XIRP2: variants seen among roughly 807,000 people sequenced by gnomAD.
XIRP2 encodes xin actin-binding repeat-containing protein 2.
In XIRP2, 236 loss-of-function variants were observed where a neutral mutation model predicts 277.0. The observed-to-expected ratio is 0.85, with a 90% confidence interval of 0.77 to 0.95. The LOEUF (loss-of-function observed/expected upper bound fraction) is 0.95. Ranked by LOEUF, XIRP2 falls within the 40% of genes least tolerant of loss-of-function variation. The pLI, the probability that XIRP2 is intolerant of heterozygous loss-of-function variation, is 0.00. For synonymous variants in XIRP2, 1,490 were observed against 1,416.5 expected (o/e 1.05, Z -1.17); for missense variants, 4,640 against 4,157.5 (o/e 1.12, Z -3.19).
chr2:167,050,032 AT>A, intron 2 of XIRP2, among the ~76,000 whole-genome samples: 1 of 152,166 alleles, frequency 6.6e-6, no homozygotes, highest in Middle Eastern at 3.4e-3. Flanking sequence ...ATACATTATG[AT>A]TATATGGAAA....
At chr2:167,090,048 T>G (rs967193072) in intron 2 of XIRP2, among the ~76,000 whole-genome samples, 2 of 152,148 alleles carry the variant, frequency 1.3e-5, no homozygotes, top group Non-Finnish European at 2.9e-5. Context: ...ATAAATCAGA[T>G]CAAATGCCAA....
chr2:167,052,407 A>G (rs1221421676), intron 2 of XIRP2, among the ~76,000 whole-genome samples: 1 of 152,134 alleles, frequency 6.6e-6, no homozygotes, highest in Non-Finnish European at 1.5e-5. Context: ...CCCTGATAGC[A>G]TAGTAGACAT....
At chr2:167,236,345 A>G (rs1262167604) in intron 5 of XIRP2, among the ~76,000 whole-genome samples, 1 of 152,038 alleles carries the variant, frequency 6.6e-6, no homozygotes, top group Non-Finnish European at 1.5e-5. Context: ...CTATAATGAT[A>G]TAAGAATGAA....
chr2:167,192,599 G>A (rs192775073), intron 3 of XIRP2, among the ~76,000 whole-genome samples: 13 of 152,202 alleles, frequency 8.5e-5, no homozygotes, highest in Non-Finnish European at 1.8e-4. Context: ...GTATATTCTT[G>A]GAAAAGGACA....
chr2:167,240,599 A>G, intron 6 of XIRP2, 65 bp from the exon 7 acceptor site: 1 of 1,344,298 alleles, frequency 7.4e-7, no homozygotes. Flanking sequence ...GAAGAGTATT[A>G]TTTGTAGTAC....
intron 3 of XIRP2, among the ~76,000 whole-genome samples, chr2:167,170,894 C>CTTTTT (rs773187641): frequency 2.5e-4 from 23 of 92,690 alleles, no homozygotes; most frequent in Admixed American, 3.9e-4. Context: ...TGCCTTTCTT[C>CTTTTT]TTTTTTTTTT....
intron 3 of XIRP2, among the ~76,000 whole-genome samples, chr2:167,146,395 G>A (rs191864801): frequency 8.5e-4 from 129 of 152,026 alleles, no homozygotes; most frequent in Admixed American, 7.1e-3. Flanking sequence ...CAGCTACTTG[G>A]AATGCTGAGG....
At chr2:167,239,389 A>G (rs1027767025) in intron 5 of XIRP2, among the ~76,000 whole-genome samples, 7 of 152,196 alleles carry the variant, frequency 4.6e-5, no homozygotes, top group African/African-American at 1.7e-4. Context: ...TGCTAATTAG[A>G]TGATTTTATG....
At chr2:166,943,370 T>C (rs912223589) in intron 2 of XIRP2, among the ~76,000 whole-genome samples, 2 of 152,214 alleles carry the variant, frequency 1.3e-5, no homozygotes, top group African/African-American at 4.8e-5. Context: ...ATGAAATGGC[T>C]CTGCTCTCTC....
chr2:167,089,787 G>A (rs945962205), intron 2 of XIRP2, among the ~76,000 whole-genome samples: 13 of 152,048 alleles, frequency 8.5e-5, no homozygotes, highest in Admixed American at 2.0e-4. Context: ...TTAAGATAAA[G>A]TTCTATCGAA....
In XIRP2 at chr2:167,248,156, T is replaced by G; in HGVS notation, c.6764T>G (p.Met2255Arg). ...CACTTGAAAAGCCAGGACTTTCTAATGAAAACAAATACTTCCACAGGCTTA... is the reference window on the plus strand; with the variant it reads ...CACTTGAAAAGCCAGGACTTTCTAAGGAAAACAAATACTTCCACAGGCTTA... ...DVHLKSQDFL[M>R]KTNTSTGLKM... is the part of the protein sequence containing the mutation. Residue 2255 changes from methionine (M) to arginine (R), a missense_variant, in exon 9 of 11, where the codon ATG (methionine) becomes AGG (arginine). By Grantham distance (91) the Met-to-Arg change is moderately conservative (BLOSUM62 -1). Transcript: ENST00000409195. 1 of 1,613,698 alleles carries G rather than the reference T, an allele frequency of 6.2e-7. No homozygotes were observed. The highest frequency in any genetic ancestry group is 1.1e-5 in the South Asian group (1 of 91,046).
intron 2 of XIRP2, among the ~76,000 whole-genome samples, chr2:167,038,860 A>C (rs568831292): frequency 1.5e-4 from 23 of 152,104 alleles, no homozygotes; most frequent in Non-Finnish European, 2.9e-4. Flanking sequence ...TTGTAGACAC[A>C]GAATAAGTTC....
intron 3 of XIRP2, among the ~76,000 whole-genome samples, chr2:167,159,565 G>A (rs1323467331): frequency 6.6e-6 from 1 of 151,958 alleles, no homozygotes; most frequent in Non-Finnish European, 1.5e-5. Flanking sequence ...TCTGGTCATT[G>A]AAAGCACTGA....
intron 3 of XIRP2, among the ~76,000 whole-genome samples, chr2:167,209,319 A>C (rs1693953834): frequency 6.6e-6 from 1 of 152,164 alleles, no homozygotes; most frequent in South Asian, 2.1e-4. Flanking sequence ...AGGCCACAGA[A>C]ATTGTTCTCA....
chr2:167,052,806 C>G (rs1034498441), intron 2 of XIRP2, among the ~76,000 whole-genome samples: 1 of 152,136 alleles, frequency 6.6e-6, no homozygotes, highest in African/African-American at 2.4e-5. Flanking sequence ...TGTTTCTAGT[C>G]TGACACCTAG....
At chr2:166,923,484 A>T (rs957678891) in intron 2 of XIRP2, among the ~76,000 whole-genome samples, 3 of 152,140 alleles carry the variant, frequency 2.0e-5, no homozygotes, top group African/African-American at 7.2e-5. Flanking sequence ...ACTTTTAACA[A>T]GCAAATTTAT....
chr2:167,049,604 AC>A (rs1688869117), intron 2 of XIRP2, among the ~76,000 whole-genome samples: 1 of 151,946 alleles, frequency 6.6e-6, no homozygotes, highest in South Asian at 2.1e-4. Flanking sequence ...TGCGCTTATA[AC>A]CTTTTTGTCC....
chr2:167,178,930 A>G (rs1376859448), intron 3 of XIRP2, among the ~76,000 whole-genome samples: 1 of 152,204 alleles, frequency 6.6e-6, no homozygotes, highest in African/African-American at 2.4e-5. Flanking sequence ...GAAAGAATGT[A>G]TGACTGAATG....
intron 2 of XIRP2, among the ~76,000 whole-genome samples, chr2:166,952,792 A>G (rs1686069030): frequency 6.6e-6 from 1 of 151,966 alleles, no homozygotes; most frequent in South Asian, 2.1e-4. Flanking sequence ...ACACAATAGC[A>G]GTGTTTCAAC....
Sources: allele counts gnomAD v4.1 joint callset (sites outside exome capture counted in the v4.1 genomes callset), GRCh38; gene constraint gnomAD v4.1.1; transcripts MANE v1.5; gene names NCBI Gene and HGNC (gene_info 2026-07-23, HGNC 2026-07-21).